Variants in FRMD6 observed in about 807,000 individuals in gnomAD.
FRMD6 encodes the protein FERM domain-containing protein 6.
Under a neutral mutation model 73.2 loss-of-function variants are expected in FRMD6, and 37 were observed. The observed-to-expected ratio is 0.51, with a 90% CI of 0.39 to 0.66. The LOEUF (loss-of-function observed/expected upper bound fraction) is 0.66, where lower values mean the gene tolerates loss of function less well. Ranked by LOEUF, FRMD6 falls within the 30% of genes least tolerant of loss-of-function variation. FRMD6 has a pLI of 0.00. For missense variants in FRMD6, 714 were observed against 780.5 expected (o/e 0.91, Z 1.02); for synonymous variants, 273 against 282.2 (o/e 0.97, Z 0.33).
chr14:51,457,155 T>C, the FRMD6 span, among the ~76,000 whole-genome samples: 3 of 152,134 alleles, frequency 2.0e-5, no homozygotes, highest in African/African-American at 4.8e-5. Flanking sequence ...CACAAAGAAA[T>C]AATAAATGTA....
the FRMD6 span, among the ~76,000 whole-genome samples, chr14:51,471,819 T>C: frequency 6.6e-5 from 10 of 151,568 alleles, no homozygotes; most frequent in Admixed American, 4.6e-4. Context: ...AGAAAGAAAA[T>C]GAAAAATAGG....
chr14:51,556,893 T>G (rs1887165710), intron 1 of FRMD6, among the ~76,000 whole-genome samples: 2 of 152,162 alleles, frequency 1.3e-5, no homozygotes, highest in Admixed American at 1.3e-4. Flanking sequence ...TGACCTTTAT[T>G]CTAAACCCAA....
At chr14:51,601,322 G>A (rs1240812964) in intron 2 of FRMD6, among the ~76,000 whole-genome samples, 2 of 152,170 alleles carry the variant, frequency 1.3e-5, no homozygotes, top group Non-Finnish European at 2.9e-5. Flanking sequence ...GGGTTTTACT[G>A]CCCCAGGGGT....
intron 1 of FRMD6, among the ~76,000 whole-genome samples, chr14:51,660,943 G>T (rs1566540609): frequency 6.6e-6 from 1 of 152,192 alleles, no homozygotes; most frequent in Non-Finnish European, 1.5e-5. Flanking sequence ...CAGGAGCAGG[G>T]AGAAGGCCAC....
At chr14:51,645,357 G>A (rs975167552) in intron 2 of FRMD6, among the ~76,000 whole-genome samples, 11 of 152,172 alleles carry the variant, frequency 7.2e-5, no homozygotes, top group African/African-American at 2.7e-4. Context: ...GACAGGTAGG[G>A]TGTCCCTTGG....
At chr14:51,651,772 C>T (rs1448981672), upstream of FRMD6, 2 of 142,896 alleles carry the variant, frequency 1.4e-5, no homozygotes, top group Non-Finnish European at 3.1e-5. Flanking sequence ...GCTCGGCTGC[C>T]GCCGCGGCCA....
At chr14:51,415,350 G>A in the FRMD6 span, among the ~76,000 whole-genome samples, 1 of 152,146 alleles carries the variant, frequency 6.6e-6, no homozygotes, top group Non-Finnish European at 1.5e-5. Flanking sequence ...ATTTTATTGA[G>A]AATTTTTAAC....
intron 1 of FRMD6, among the ~76,000 whole-genome samples, chr14:51,504,465 A>AC (rs1883831870): frequency 6.6e-6 from 1 of 152,194 alleles, no homozygotes; most frequent in Non-Finnish European, 1.5e-5. Context: ...GCAGGTGTGT[A>AC]CTTTTTTTGT....
the FRMD6 span, among the ~76,000 whole-genome samples, chr14:51,413,081 C>A: frequency 1.3e-5 from 2 of 150,582 alleles, no homozygotes; most frequent in Non-Finnish European, 3.0e-5. Context: ...ACCTCTGCCT[C>A]CTGGGTTCAA....
At chr14:51,463,465 GA>G in the FRMD6 span, among the ~76,000 whole-genome samples, 1 of 152,258 alleles carries the variant, frequency 6.6e-6, no homozygotes, top group Admixed American at 6.5e-5. Context: ...TTTTCCCCCA[GA>G]AAATTTTCAA....
chr14:51,527,971 A>T (rs1340718803), intron 1 of FRMD6, among the ~76,000 whole-genome samples: 2 of 152,152 alleles, frequency 1.3e-5, no homozygotes, highest in East Asian at 3.9e-4. Context: ...TGAGACCCCC[A>T]TCTCTACAAA....
At chr14:51,510,743 T>C (rs1456520008) in intron 1 of FRMD6, among the ~76,000 whole-genome samples, 2 of 152,220 alleles carry the variant, frequency 1.3e-5, no homozygotes, top group African/African-American at 4.8e-5. Flanking sequence ...GAAATCTACC[T>C]GTCCCTGGGG....
chr14:51,543,462 T>C (rs551347582), intron 1 of FRMD6, among the ~76,000 whole-genome samples: 1 of 152,184 alleles, frequency 6.6e-6, no homozygotes, highest in East Asian at 1.9e-4. Flanking sequence ...TTACCTGTTA[T>C]AGTTTCATTG....
chr14:51,702,162 G>GC (rs1896360696), intron 4 of FRMD6, among the ~76,000 whole-genome samples: 1 of 152,030 alleles, frequency 6.6e-6, no homozygotes, highest in African/African-American at 2.4e-5. Context: ...GTAATAAGGA[G>GC]CAAATGGTCA....
chr14:51,600,374 T>G (rs1889971204), intron 2 of FRMD6, among the ~76,000 whole-genome samples: 1 of 152,222 alleles, frequency 6.6e-6, no homozygotes, highest in Non-Finnish European at 1.5e-5. Context: ...CAGTTGATTT[T>G]GGAAATCCAT....
intron 1 of FRMD6, among the ~76,000 whole-genome samples, chr14:51,665,483 G>A (rs10141001): frequency 0.13 from 19,156 of 151,970 alleles, 1,322 homozygotes; most frequent in Non-Finnish European, 0.15. Flanking sequence ...TACACACTTC[G>A]TCTACCTCAT....
At chr14:51,585,939 G>GTGTGTGTGTATA in intron 2 of FRMD6, among the ~76,000 whole-genome samples, 1 of 31,416 alleles carries the variant, frequency 3.2e-5, no homozygotes, top group African/African-American at 6.8e-5. Context: ...GTGTGTGTGT[G>GTGTGTGTGTATA]TATATATATA....
intron 2 of FRMD6, among the ~76,000 whole-genome samples, chr14:51,615,305 C>A (rs1427826913): frequency 6.6e-6 from 1 of 152,100 alleles, no homozygotes; most frequent in Non-Finnish European, 1.5e-5. Context: ...CATTGTTGAT[C>A]CTTATTTCTT....
At chr14:51,573,649 A>G (rs2139606661) in intron 2 of FRMD6, among the ~76,000 whole-genome samples, 1 of 152,352 alleles carries the variant, frequency 6.6e-6, no homozygotes, top group Non-Finnish European at 1.5e-5. Context: ...TGGAGCCAAC[A>G]TCACGCTGGT....
Sources: allele counts gnomAD v4.1 joint callset (sites outside exome capture counted in the v4.1 genomes callset), GRCh38; gene constraint gnomAD v4.1.1; transcripts MANE v1.5; gene names NCBI Gene and HGNC (gene_info 2026-07-23, HGNC 2026-07-21).